DOCK3: variants seen among roughly 807,000 people sequenced by gnomAD.
DOCK3 encodes the protein dedicator of cytokinesis protein 3.
DOCK3 carries 60 observed loss-of-function variants against 265.6 expected under a neutral mutation model. The ratio of observed to expected loss-of-function variants is 0.23; its 90% CI spans 0.18 to 0.28. The LOEUF is 0.28. Ranked by LOEUF, DOCK3 falls within the 10% of genes least tolerant of loss-of-function variation. The pLI, the probability that DOCK3 is intolerant of heterozygous loss-of-function variation, is 1.00. For missense variants in DOCK3, 1,981 were observed against 2,594.3 expected, an observed-to-expected ratio of 0.76 and a Z score of 5.14; for synonymous variants, 881 against 938.0, an observed-to-expected ratio of 0.94 and a Z score of 1.11.
intron 4 of DOCK3, among the ~76,000 whole-genome samples, chr3:50,922,530 C>T (rs1024802477): frequency 5.9e-5 from 9 of 152,310 alleles, no homozygotes; most frequent in East Asian, 3.9e-4. Context: ...CGCCCTGCTT[C>T]GTGGGCTGCA....
In DOCK3 at chr3:51,088,616, C is replaced by T. The variant is rs371573929; in HGVS notation, c.550-627C>T. ...CTCACTTCTGCACTTAGGTCCCTAA[C>T]TTCTATATCATAGTGATGCTCATGT... On this transcript the variant is annotated intron_variant, in intron 7 of 52. Coordinates refer to ENST00000266037, the MANE Select transcript of DOCK3 (RefSeq NM_004947.5). Among the ~76,000 whole-genome samples the T allele has an allele frequency of 4.6e-5, 7 of 152,300 alleles. No homozygotes were observed. The East Asian group carries it at 9.6e-4, about 21-fold the overall frequency.
chr3:51,373,379 T>C (rs899470214), intron 49 of DOCK3, among the ~76,000 whole-genome samples: 2 of 152,126 alleles, frequency 1.3e-5, no homozygotes, highest in East Asian at 1.9e-4. Context: ...TTTCAACCAA[T>C]AGAGCCAGGC....
rs2089911210 is a variant in DOCK3, at chr3:51,218,389, A to G, written c.1252+4142A>G. 1.3e-5 allele frequency among the ~76,000 whole-genome samples: 2 copies of G among 151,950 alleles called. 1 individual carries two copies. Among genetic ancestry groups the G allele is most frequent in the South Asian group, 4.2e-4 (2 of 4,816 alleles). ...GTAAAAGTTGCAGTGAGCCAAGATC[A>G]TACCACTGCACTCCAGCCTGTGTGA... On this transcript the variant is annotated intron_variant, in intron 14 of 52. Coordinates refer to ENST00000266037, the MANE Select transcript of DOCK3 (RefSeq NM_004947.5).
At chr3:50,801,255 T>G (rs1005168400) in intron 2 of DOCK3, among the ~76,000 whole-genome samples, 1 of 152,072 alleles carries the variant, frequency 6.6e-6, no homozygotes, top group Non-Finnish European at 1.5e-5. Context: ...TCCTATTAGC[T>G]AGGGTTAGGC....
intron 4 of DOCK3, among the ~76,000 whole-genome samples, chr3:50,892,530 G>T (rs1313108775): frequency 2.0e-5 from 3 of 152,052 alleles, no homozygotes; most frequent in Non-Finnish European, 2.9e-5. Flanking sequence ...CCCAGATTGT[G>T]ACTCTTCCAG....
At chr3:51,338,689 A>G (rs781604568) in intron 36 of DOCK3, among the ~76,000 whole-genome samples, 1 of 152,188 alleles carries the variant, frequency 6.6e-6, no homozygotes, top group Admixed American at 6.5e-5. Flanking sequence ...TTCACAGTCA[A>G]CCCTGACTCC....
chr3:50,873,125 A>T (rs553198252), intron 3 of DOCK3, among the ~76,000 whole-genome samples: 1 of 152,140 alleles, frequency 6.6e-6, no homozygotes, highest in Non-Finnish European at 1.5e-5. Flanking sequence ...TAGCCAACAC[A>T]GCTGGAAATG....
intron 14 of DOCK3, among the ~76,000 whole-genome samples, chr3:51,218,531 G>A (rs1429424609): frequency 1.3e-5 from 2 of 152,142 alleles, no homozygotes; most frequent in Non-Finnish European, 2.9e-5. Context: ...GCTACCACTT[G>A]CCATGGCTCT....
intron 3 of DOCK3, among the ~76,000 whole-genome samples, chr3:50,850,778 A>T (rs1232937561): frequency 1.3e-5 from 2 of 152,112 alleles, no homozygotes; most frequent in African/African-American, 4.8e-5. Flanking sequence ...AGTCCTATGC[A>T]CACACTTTGG....
chr3:50,737,114 A>G (rs1002808023), intron 1 of DOCK3, among the ~76,000 whole-genome samples: 4 of 152,078 alleles, frequency 2.6e-5, no homozygotes, highest in African/African-American at 4.8e-5. Context: ...CATTTGTCAG[A>G]TGAGTAGATT....
At chr3:50,927,301 G>C (rs2050807543) in intron 4 of DOCK3, among the ~76,000 whole-genome samples, 2 of 152,160 alleles carry the variant, frequency 1.3e-5, no homozygotes, top group South Asian at 4.1e-4. Context: ...AGGAGGGATT[G>C]GTTAGTGGGT....
rs200039731 is a variant in DOCK3, at chr3:51,293,456, AC to A, written c.2922+13258del. Among the ~76,000 whole-genome samples the A allele has an allele frequency of 3.9e-3, 588 of 152,206 alleles. 6 individuals carry two copies. Among genetic ancestry groups the A allele is most frequent in the African/African-American group, 0.013 (556 of 41,542 alleles). Reference sequence around the variant, plus strand: ...AAGAATGAAAGTAGACCTTTATCTCACCCCCCTATAGAAGAATCAACTGAAA... The same window carrying A: ...AAGAATGAAAGTAGACCTTTATCTCACCCCCTATAGAAGAATCAACTGAAA... On this transcript the variant is annotated intron_variant, in intron 27 of 52. Transcript: ENST00000266037.
chr3:51,371,690 C>A (rs2087690372), intron 49 of DOCK3, among the ~76,000 whole-genome samples: 1 of 152,226 alleles, frequency 6.6e-6, no homozygotes, highest in African/African-American at 2.4e-5. Flanking sequence ...GGGTTACTTC[C>A]CCCACTCCCA....
chr3:51,121,324 A>C (rs1437534390), intron 9 of DOCK3, among the ~76,000 whole-genome samples: 1 of 152,020 alleles, frequency 6.6e-6, no homozygotes, highest in Non-Finnish European at 1.5e-5. Context: ...GGCTACACCC[A>C]CTGTGTAACC....
chr3:51,223,568 AT>A (rs1345093393), intron 14 of DOCK3, among the ~76,000 whole-genome samples: 1 of 152,134 alleles, frequency 6.6e-6, no homozygotes, highest in African/African-American at 2.4e-5. Context: ...AATAAAAAAA[AT>A]CTAGACTATT....
intron 2 of DOCK3, among the ~76,000 whole-genome samples, chr3:50,780,165 AC>A (rs2041839499): frequency 6.6e-6 from 1 of 152,204 alleles, no homozygotes; most frequent in African/African-American, 2.4e-5. Context: ...TGTGATAACA[AC>A]TCTAAGGGAA....
chr3:51,038,141 A>T (rs4373098), intron 5 of DOCK3, among the ~76,000 whole-genome samples: 137,204 of 152,176 alleles, frequency 0.9, 62,042 homozygotes, highest in African/African-American at 0.95. Context: ...GTCTATCCAG[A>T]TACTTTTTTA....
At chr3:51,171,903 T>C (rs1386196837) in intron 12 of DOCK3, among the ~76,000 whole-genome samples, 1 of 152,178 alleles carries the variant, frequency 6.6e-6, no homozygotes, top group Non-Finnish European at 1.5e-5. Flanking sequence ...TTGGATGATC[T>C]CTTAGCTTTT....
intron 13 of DOCK3, 144 bp downstream of exon 13, chr3:51,209,006 T>C: frequency 1.4e-6 from 1 of 712,516 alleles, no homozygotes; most frequent in Non-Finnish European, 2.2e-6. Flanking sequence ...CTCATTCTTT[T>C]TGTAATAATT....
Sources: allele counts gnomAD v4.1 joint callset (sites outside exome capture counted in the v4.1 genomes callset), GRCh38; gene constraint gnomAD v4.1.1; transcripts MANE v1.5; gene names NCBI Gene and HGNC (gene_info 2026-07-23, HGNC 2026-07-21).